SLC22A23: variants seen among roughly 807,000 people sequenced by gnomAD.
SLC22A23 encodes the protein ion transporter protein.
Under a neutral mutation model 61.0 loss-of-function variants are expected in SLC22A23, and 26 were observed. That is an observed-to-expected ratio of 0.43 (90% CI 0.31 to 0.59). The LOEUF (loss-of-function observed/expected upper bound fraction) is 0.59. Among genes scored for constraint, SLC22A23 ranks in the 20% least tolerant of loss-of-function variants. The pLI is 0.11. For missense variants in SLC22A23, 796 were observed against 934.7 expected (o/e 0.85, Z 1.94); for synonymous variants, 430 against 413.9 (o/e 1.04, Z -0.47).
At chr6:3,418,062 T>C (rs1769851324) in intron 1 of SLC22A23, among the ~76,000 whole-genome samples, 1 of 152,274 alleles carries the variant, frequency 6.6e-6, no homozygotes, top group Admixed American at 6.5e-5. Flanking sequence ...GTGCACATTC[T>C]GTTTTTCCAG....
chr6:3,278,205 G>A (rs1210180292), intron 9 of SLC22A23, among the ~76,000 whole-genome samples: 1 of 152,238 alleles, frequency 6.6e-6, no homozygotes, highest in Non-Finnish European at 1.5e-5. Flanking sequence ...AAGATACTCG[G>A]TGAGTGACAG....
rs957057587 is a variant in SLC22A23, at chr6:3,333,717, C to G, written c.914-9715G>C. On this transcript the variant is annotated intron_variant, in intron 3 of 9. Coordinates refer to ENST00000406686, the MANE Select transcript of SLC22A23 (RefSeq NM_015482.2). This position sits in a 1 kb window ranked among gnomAD's most constrained non-coding sequence, Gnocchi z 4.1. ...CACACAGAGGAGAGTGCCTCCCCGA[C>G]AGTGGTTTGCAAGTGTGGCCCCAGA... Among the ~76,000 whole-genome samples the G allele has an allele frequency of 6.6e-6, 1 of 152,202 alleles. No homozygotes were observed. Among genetic ancestry groups the G allele is most frequent in the Admixed American group, 6.5e-5 (1 of 15,280 alleles).
Position 3,297,429 on chromosome 6 carries a change from G to C in SLC22A23, c.1210+662C>G, listed in dbSNP as rs983115573. ...ACCACTTGCATCAGAATCTCTTCTAGTGCTTATTAGAAATGCAAGTTCTCA... is the reference window on the plus strand; with the variant it reads ...ACCACTTGCATCAGAATCTCTTCTACTGCTTATTAGAAATGCAAGTTCTCA... On this transcript the variant is annotated intron_variant, in intron 5 of 9. Transcript: ENST00000406686. This position sits in a 1 kb window ranked among gnomAD's most constrained non-coding sequence, Gnocchi z 4.3. Among the ~76,000 whole-genome samples, 1 of 152,198 alleles carries C rather than the reference G, an allele frequency of 6.6e-6. No individual in the cohort carries two copies. The highest frequency in any genetic ancestry group is 1.5e-5 in the Non-Finnish European group (1 of 68,042).
At chr6:3,452,500 G>A (rs1264052390) in intron 1 of SLC22A23, among the ~76,000 whole-genome samples, 1 of 150,980 alleles carries the variant, frequency 6.6e-6, no homozygotes, top group Non-Finnish European at 1.5e-5. Context: ...TCAGGAGGCT[G>A]AGGCAGAAAG....
In SLC22A23 at chr6:3,283,972, A is replaced by G. The variant is rs1310140477; in HGVS notation, c.1583T>C (p.Met528Thr). 6.2e-7 allele frequency: 1 copy of G among 1,602,820 alleles called. No individual in the cohort carries two copies. Among genetic ancestry groups the G allele is most frequent in the South Asian group, 1.1e-5 (1 of 90,620 alleles). Residue 528 changes from methionine (M) to threonine (T), a missense_variant, in exon 9 of 10, where the codon ATG (methionine) becomes ACG (threonine). Met to Thr is a moderately conservative substitution (Grantham distance 81). Transcript: ENST00000406686. ...AAATTTGTCCTTGACGCTGTCACTC[A>G]TCCCTGGGGGAAGGTCAGAAGAAGG... Reference protein sequence around the residue: ...GKYSQHPDSGMSDSVKDKFSI... With the variant: ...GKYSQHPDSGTSDSVKDKFSI...
intron 6 of SLC22A23, among the ~76,000 whole-genome samples, chr6:3,287,442 A>AG (rs1261527071): frequency 6.6e-6 from 1 of 152,090 alleles, no homozygotes; most frequent in Admixed American, 6.5e-5. Context: ...CATTTAACCC[A>AG]GGGCCGCAAT....
intron 3 of SLC22A23, among the ~76,000 whole-genome samples, chr6:3,383,478 C>T (rs1446607044): frequency 1.3e-5 from 2 of 152,154 alleles, no homozygotes; most frequent in Non-Finnish European, 2.9e-5. Context: ...ATATCTACTC[C>T]GTGGTTAAAT....
Position 3,324,710 on chromosome 6 carries a change from T to G in SLC22A23, c.914-708A>C, listed in dbSNP as rs1371496256. ...GGGCCACTGCAACACGGGTGAGTCA[T>G]GCATCCTTTCTCTGTCTCTATTGGA... On this transcript the variant is annotated intron_variant, in intron 3 of 9. Transcript: ENST00000406686. This position sits in a 1 kb window ranked among gnomAD's most constrained non-coding sequence, Gnocchi z 4.3. Among the ~76,000 whole-genome samples, 1 of 152,242 alleles carries G rather than the reference T, an allele frequency of 6.6e-6. No individual in the cohort carries two copies. The highest frequency in any genetic ancestry group is 1.5e-5 in the Non-Finnish European group (1 of 68,042).
rs977155963 is a variant in SLC22A23, at chr6:3,386,061, C to T, written c.913+24127G>A. 1.6e-4 allele frequency among the ~76,000 whole-genome samples: 24 copies of T among 152,330 alleles called. No homozygotes were observed. The highest frequency in any genetic ancestry group is 7.2e-4 in the Admixed American group (11 of 15,302). ...CTCTAAATGATGCGGCTCTCAAATT[C>T]CCCATTCATGCCCATTCCTGTGGTC... is the stretch of plus-strand genomic sequence containing the variant. On this transcript the variant is annotated intron_variant, in intron 3 of 9. Coordinates refer to ENST00000406686, the MANE Select transcript of SLC22A23 (RefSeq NM_015482.2). This position sits in a 1 kb window ranked among gnomAD's most constrained non-coding sequence, Gnocchi z 4.4.
rs549257214 is a variant in SLC22A23, at chr6:3,414,812, G to A, written c.758+940C>T. Reference sequence around the variant, plus strand: ...CTACGCCTCTCTCCTGAGCAATCTCGCTACTTGAAAAACCTGTCAACATTG... The same window carrying A: ...CTACGCCTCTCTCCTGAGCAATCTCACTACTTGAAAAACCTGTCAACATTG... On this transcript the variant is annotated intron_variant, in intron 2 of 9. Coordinates refer to ENST00000406686, the MANE Select transcript of SLC22A23 (RefSeq NM_015482.2). The surrounding 1 kb of genome is among the most constrained non-coding windows in gnomAD (Gnocchi z 5.1). Among the ~76,000 whole-genome samples the A allele has an allele frequency of 1.3e-4, 20 of 150,366 alleles. No individual in the cohort carries two copies. Among genetic ancestry groups the A allele is most frequent in the Non-Finnish European group, 1.9e-4 (13 of 67,870 alleles).
intron 4 of SLC22A23, among the ~76,000 whole-genome samples, chr6:3,299,497 A>T (rs1373930187): frequency 6.6e-6 from 1 of 152,238 alleles, no homozygotes; most frequent in Non-Finnish European, 1.5e-5. Flanking sequence ...CCAAAGCGAC[A>T]GAATCTTTTT....
At chr6:3,357,338 A>G (rs1765178048) in intron 3 of SLC22A23, among the ~76,000 whole-genome samples, 1 of 152,192 alleles carries the variant, frequency 6.6e-6, no homozygotes, top group South Asian at 2.1e-4. Context: ...AGCTTTCCTA[A>G]TTTTTATTTT....
intron 9 of SLC22A23, 96 bp from the exon 10 acceptor site, chr6:3,273,508 G>A: frequency 7.6e-7 from 1 of 1,317,036 alleles, no homozygotes; most frequent in South Asian, 1.3e-5. Context: ...CTCTGCAGGG[G>A]CCCTGCTGCC....
rs561736785 is a variant in SLC22A23, at chr6:3,379,809, C to G, written c.913+30379G>C. 3.3e-5 allele frequency among the ~76,000 whole-genome samples: 5 copies of G among 152,194 alleles called. No homozygotes were observed. In the South Asian group the frequency reaches 8.3e-4, roughly 25 times the overall value. ...CTCAGATTGCCTGATGACTACTCAA[C>G]GAGCTGCCCTCAGCTCCCAGCAGGG... On this transcript the variant is annotated intron_variant, in intron 3 of 9. Transcript: ENST00000406686.
intron 3 of SLC22A23, among the ~76,000 whole-genome samples, chr6:3,355,071 C>CA (rs201861708): frequency 2.0e-5 from 3 of 151,138 alleles, no homozygotes; most frequent in Admixed American, 1.3e-4. Context: ...AAAACACAAA[C>CA]AAAAAAAACC....
intron 9 of SLC22A23, chr6:3,282,112 T>C (rs892671944): frequency 4.4e-6 from 3 of 674,592 alleles, no homozygotes; most frequent in Non-Finnish European, 8.1e-6. Flanking sequence ...TGCATAATCA[T>C]GCAAAGGCTG....
intron 4 of SLC22A23, among the ~76,000 whole-genome samples, chr6:3,316,427 A>G (rs987139671): frequency 3.3e-5 from 5 of 152,228 alleles, no homozygotes; most frequent in African/African-American, 1.2e-4. Context: ...GTCACAGTCC[A>G]TGTGTCTGCC....
At position 3,304,270 on chromosome 6, in the gene SLC22A23, C is replaced by T. The variant is rs1728618062; in HGVS notation, c.1083-6052G>A. 6.6e-6 allele frequency among the ~76,000 whole-genome samples: 1 copy of T among 152,184 alleles called. No homozygotes were observed. Among genetic ancestry groups the T allele is most frequent in the Non-Finnish European group, 1.5e-5 (1 of 68,038 alleles). ...GCCTGCTCCTCAGTGATCACTCCCTCATCTTTGTCATCCTCCAATTGGGTC... is the reference window on the plus strand; with the variant it reads ...GCCTGCTCCTCAGTGATCACTCCCTTATCTTTGTCATCCTCCAATTGGGTC... On this transcript the variant is annotated intron_variant, in intron 4 of 9. Transcript: ENST00000406686. The surrounding 1 kb of genome is among the most constrained non-coding windows in gnomAD (Gnocchi z 4.3).
intron 3 of SLC22A23, among the ~76,000 whole-genome samples, chr6:3,341,551 G>C (rs928793184): frequency 3.3e-5 from 5 of 152,162 alleles, no homozygotes; most frequent in Non-Finnish European, 7.3e-5. Flanking sequence ...ATGTGACTCT[G>C]TAGTCACTGG....
Sources: allele counts gnomAD v4.1 joint callset (sites outside exome capture counted in the v4.1 genomes callset), GRCh38; gene constraint gnomAD v4.1.1; non-coding constraint Gnocchi (gnomAD v3.1); transcripts MANE v1.5; gene names NCBI Gene and HGNC (gene_info 2026-07-23, HGNC 2026-07-21).